Variants in GPR20 observed in about 807,000 individuals in gnomAD.
The protein encoded by GPR20 is G protein-coupled receptor 20.
For synonymous variants in GPR20, 241 were observed against 241.9 expected, an observed-to-expected ratio of 1.00 and a Z score of 0.04; for missense variants, 494 against 527.4, an observed-to-expected ratio of 0.94 and a Z score of 0.62.
In GPR20 at chr8:141,362,695, C is replaced by T. The variant is rs186606386; in HGVS notation, c.-25+4506G>A. Among the ~76,000 whole-genome samples, 68 of 152,340 alleles carry T rather than the reference C, an allele frequency of 4.5e-4. 1 individual carries two copies. The highest frequency in any genetic ancestry group is 1.4e-3 in the African/African-American group (59 of 41,578). ...GCCGAGCAAGGCTGACACCTCCTCC[C>T]GGAAGCCCGTCCTAATCACTCTGAC... On this transcript the variant is annotated intron_variant, in intron 1 of 1. Transcript: ENST00000377741.
intron 1 of GPR20, among the ~76,000 whole-genome samples, chr8:141,365,018 G>A (rs1831794323): frequency 6.6e-6 from 1 of 152,200 alleles, no homozygotes; most frequent in African/African-American, 2.4e-5. Context: ...CCTTCCGCCT[G>A]AAGCTCCTCA....
Position 141,357,346 on chromosome 8 carries a change from G to T in GPR20, c.578C>A (p.Pro193His), listed in dbSNP as rs1232128416. The T allele has an allele frequency of 4.5e-6, 7 of 1,550,660 alleles. No homozygotes were observed. The highest frequency in any genetic ancestry group is 6.1e-6 in the Non-Finnish European group (7 of 1,152,702). The change falls in exon 2 of 2, where the codon CCC becomes CAC. Residue 193 changes from proline to histidine, a missense_variant. Coordinates refer to ENST00000377741, the MANE Select transcript of GPR20 (RefSeq NM_005293.3). ...AGTCAGCGCAAAGACACGGCAGCAGGGCCGGCTGCCTGTCACGCCCAGCAC... is the reference window on the plus strand; with the variant it reads ...AGTCAGCGCAAAGACACGGCAGCAGTGCCGGCTGCCTGTCACGCCCAGCAC... ...LSVLGVTGSR[P>H]CCRVFALTVL...
intron 1 of GPR20, among the ~76,000 whole-genome samples, chr8:141,360,621 G>A (rs1384484552): frequency 6.6e-6 from 1 of 152,246 alleles, no homozygotes; most frequent in Non-Finnish European, 1.5e-5. Flanking sequence ...TGCAAGCGGG[G>A]ACTCTAGACC....
Position 141,356,994 on chromosome 8 carries a change from G to T in GPR20, c.930C>A (p.Gly310=), listed in dbSNP as rs1831650433. The T allele has an allele frequency of 1.2e-6, 2 of 1,613,088 alleles. No individual in the cohort carries two copies. The highest frequency in any genetic ancestry group is 1.7e-6 in the Non-Finnish European group (2 of 1,179,900). The change falls in exon 2 of 2, where the codon GGC becomes GGA. Residue 310 remains glycine (G), a synonymous_variant. Coordinates refer to ENST00000377741, the MANE Select transcript of GPR20 (RefSeq NM_005293.3). The part of the protein sequence containing the change: ...VTSGFQATVR[G]LFGQHGEREP... ...CACGCTCTCCGTGCTGGCCGAAGAGGCCTCGGACGGTGGCCTGGAAGCCAC... is the reference window on the plus strand; with the variant it reads ...CACGCTCTCCGTGCTGGCCGAAGAGTCCTCGGACGGTGGCCTGGAAGCCAC...
chr8:141,365,986 T>G (rs1341353376), intron 1 of GPR20, among the ~76,000 whole-genome samples: 1 of 152,232 alleles, frequency 6.6e-6, no homozygotes, highest in Non-Finnish European at 1.5e-5. Flanking sequence ...TCTGAGTCAC[T>G]GAGTCACTGC....
intron 1 of GPR20, among the ~76,000 whole-genome samples, chr8:141,364,178 G>A (rs974099279): frequency 6.6e-6 from 1 of 152,186 alleles, no homozygotes; most frequent in Non-Finnish European, 1.5e-5. Flanking sequence ...TCTCTGGACC[G>A]GGAGTTTGTG....
chr8:141,366,193 G>A (rs927248124), intron 1 of GPR20, among the ~76,000 whole-genome samples: 1 of 152,244 alleles, frequency 6.6e-6, no homozygotes, highest in Non-Finnish European at 1.5e-5. Context: ...CCCCGCCTTT[G>A]CTGATGGGCC....
chr8:141,366,390 C>T (rs990019396), intron 1 of GPR20, among the ~76,000 whole-genome samples: 12 of 152,190 alleles, frequency 7.9e-5, no homozygotes, highest in South Asian at 6.2e-4. Context: ...CCCCGTCCTG[C>T]GAGGTCGCCA....
chr8:141,365,778 G>T (rs1387622002), intron 1 of GPR20, among the ~76,000 whole-genome samples: 1 of 152,134 alleles, frequency 6.6e-6, no homozygotes, highest in Non-Finnish European at 1.5e-5. Flanking sequence ...ATGGTGAGGG[G>T]ATCAACTTAA....
chr8:141,362,788 T>C (rs1367819947), intron 1 of GPR20, among the ~76,000 whole-genome samples: 2 of 152,050 alleles, frequency 1.3e-5, no homozygotes, highest in South Asian at 2.1e-4. Context: ...TTCTTTCTTT[T>C]TTTTTTTTGA....
In GPR20 at chr8:141,361,704, G is replaced by A. The variant is rs546644639; in HGVS notation, c.-24-3757C>T. Among the ~76,000 whole-genome samples the A allele has an allele frequency of 1.4e-4, 22 of 152,354 alleles. No individual in the cohort carries two copies. The South Asian group carries it at 4.3e-3, about 30-fold the overall frequency. ...TCTCTGAGCCTCAGTGTCTCCTCCT[G>A]TGAAGTGGGAATGGCCGGACACGCT... is the stretch of plus-strand genomic sequence containing the variant. On this transcript the variant is annotated intron_variant, in intron 1 of 1. Coordinates refer to ENST00000377741, the MANE Select transcript of GPR20 (RefSeq NM_005293.3).
At chr8:141,366,380 C>T (rs1284764050) in intron 1 of GPR20, among the ~76,000 whole-genome samples, 1 of 151,950 alleles carries the variant, frequency 6.6e-6, no homozygotes, top group African/African-American at 2.4e-5. Context: ...GGGGTGCATT[C>T]CCCGTCCTGC....
At position 141,357,828 on chromosome 8, in the gene GPR20, C is replaced by T. The variant is rs138526250; in HGVS notation, c.96G>A (p.Val32=). Residue 32 remains valine, a synonymous_variant, in exon 2 of 2, where the codon GTG becomes GTA. Coordinates refer to ENST00000377741, the MANE Select transcript of GPR20 (RefSeq NM_005293.3). ...TVRTNASGLE[V]PLFHLFARLD... is the part of the protein sequence containing the mutation. ...GCCGGGCAAACAGGTGGAACAGGGG[C>T]ACCTCCAGCCCGCTGGCATTGGTCC... The T allele has an allele frequency of 6.2e-7, 1 of 1,613,232 alleles. No individual in the cohort carries two copies. The highest frequency in any genetic ancestry group is 8.5e-7 in the Non-Finnish European group (1 of 1,179,864).
At chr8:141,360,936 C>T (rs1831726026) in intron 1 of GPR20, among the ~76,000 whole-genome samples, 1 of 152,212 alleles carries the variant, frequency 6.6e-6, no homozygotes, top group Admixed American at 6.5e-5. Flanking sequence ...CATGGTTTTA[C>T]CCTCAGAGCC....
chr8:141,363,342 G>T (rs1353957570), intron 1 of GPR20, among the ~76,000 whole-genome samples: 6 of 152,266 alleles, frequency 3.9e-5, no homozygotes, highest in Non-Finnish European at 8.8e-5. Context: ...GCTCACACGT[G>T]GGGAGAGGCC....
intron 1 of GPR20, among the ~76,000 whole-genome samples, chr8:141,360,475 G>A (rs529703985): frequency 7.2e-5 from 11 of 152,280 alleles, no homozygotes; most frequent in South Asian, 6.2e-4. Context: ...TCCTCTCCCA[G>A]CTTCGTCTGG....
chr8:141,356,915 G>C lies in GPR20; in HGVS notation c.1009C>G (p.Arg337Gly), dbSNP rs901736337. The C allele has an allele frequency of 3.1e-6, 5 of 1,611,936 alleles. No individual in the cohort carries two copies. Among genetic ancestry groups the C allele is most frequent in the Non-Finnish European group, 4.2e-6 (5 of 1,179,326 alleles). The change falls in exon 2 of 2, where the codon CGT becomes GGT. Residue 337 changes from arginine to glycine, a missense_variant. Physicochemically the swap from Arg to Gly is moderately radical, Grantham distance 125. Coordinates refer to ENST00000377741, the MANE Select transcript of GPR20 (RefSeq NM_005293.3). ...GGGCCGGCACTGAGGATGTGATGACGGCCTGAGCCCTTGGAGCTCCTGTGC... is the reference window on the plus strand; with the variant it reads ...GGGCCGGCACTGAGGATGTGATGACCGCCTGAGCCCTTGGAGCTCCTGTGC... ...SMHRSSKGSG[R>G]HHILSAGPHA... is the part of the protein sequence containing the mutation.
At chr8:141,360,241 C>T (rs3934583) in intron 1 of GPR20, among the ~76,000 whole-genome samples, 29,403 of 152,130 alleles carry the variant, frequency 0.19, 4,040 homozygotes, top group East Asian at 0.43. Flanking sequence ...AGGGTCTGAC[C>T]CTGATCTCAA....
At chr8:141,357,972 C>A (rs769898546) in intron 1 of GPR20, 25 bp from the exon 2 acceptor site, 595 of 1,212,278 alleles carry the variant, frequency 4.9e-4, no homozygotes, top group Non-Finnish European at 6.3e-4. Flanking sequence ...ACCAGGTCAC[C>A]CCAGGCGCCA....
Sources: gnomAD v4.1 joint callset for allele counts (sites outside exome capture counted in the v4.1 genomes callset) on GRCh38, gnomAD v4.1.1 for gene constraint, MANE v1.5 for transcripts, NCBI Gene and HGNC (gene_info 2026-07-23, HGNC 2026-07-21) for gene names.